The following ST6GALNAC3 variants were observed in gnomAD, a reference collection of about 807,000 sequenced individuals.
ST6GALNAC3 encodes the protein alpha-N-acetylgalactosaminide alpha-2,6-sialyltransferase 3.
In ST6GALNAC3, 25 loss-of-function variants were observed where a neutral mutation model predicts 32.7. That is an observed-to-expected ratio of 0.76 (90% CI 0.56 to 1.07). The LOEUF is 1.07. ST6GALNAC3 is among the 50% of genes least tolerant of loss of function. ST6GALNAC3 has a pLI of 0.00. For synonymous variants in ST6GALNAC3, 129 were observed against 133.1 expected, an observed-to-expected ratio of 0.97 and a Z score of 0.21; for missense variants, 355 against 382.4, an observed-to-expected ratio of 0.93 and a Z score of 0.60.
At chr1:76,482,254 G>A (rs959543924) in intron 3 of ST6GALNAC3, among the ~76,000 whole-genome samples, 1 of 152,074 alleles carries the variant, frequency 6.6e-6, no homozygotes, top group Non-Finnish European at 1.5e-5. Context: ...GAGCCCCTGA[G>A]ATTTCATTCC....
intron 3 of ST6GALNAC3, among the ~76,000 whole-genome samples, chr1:76,562,486 T>A (rs1354379625): frequency 6.6e-6 from 1 of 152,150 alleles, no homozygotes; most frequent in Non-Finnish European, 1.5e-5. Flanking sequence ...TCTCTCTACA[T>A]CATCAACACC....
chr1:76,382,649 G>A (rs1314380832), intron 2 of ST6GALNAC3, among the ~76,000 whole-genome samples: 1 of 152,156 alleles, frequency 6.6e-6, no homozygotes, highest in Non-Finnish European at 1.5e-5. Context: ...ACAACATAGA[G>A]TGTTCATAAA....
chr1:76,608,597 ATGTGTGTGTGTGTGTGTGTGTGTGTG>A (rs60960904), intron 3 of ST6GALNAC3, among the ~76,000 whole-genome samples: 5 of 135,160 alleles, frequency 3.7e-5, no homozygotes, highest in Admixed American at 7.4e-5. Flanking sequence ...TGAGCTGGAA[ATGTGTGTGTGTGTGTGTGTGTGTGTG>A]TGTGTGTGTG....
chr1:76,217,593 T>C (rs1655539342), intron 1 of ST6GALNAC3, among the ~76,000 whole-genome samples: 3 of 152,162 alleles, frequency 2.0e-5, no homozygotes, highest in Admixed American at 2.0e-4. Flanking sequence ...AGTAGTGATT[T>C]CTGAGATTTT....
intron 3 of ST6GALNAC3, among the ~76,000 whole-genome samples, chr1:76,556,526 C>T (rs1477345902): frequency 1.3e-5 from 2 of 152,020 alleles, no homozygotes; most frequent in Non-Finnish European, 2.9e-5. Context: ...CTGATTTCTC[C>T]ATATCTTAGC....
intron 3 of ST6GALNAC3, among the ~76,000 whole-genome samples, chr1:76,520,661 T>G (rs1029151292): frequency 5.9e-5 from 9 of 151,516 alleles, no homozygotes; most frequent in Non-Finnish European, 1.2e-4. Context: ...CTGGCTAAGT[T>G]TTTTTTTTAA....
intron 2 of ST6GALNAC3, among the ~76,000 whole-genome samples, chr1:76,371,465 A>T (rs1650810315): frequency 6.6e-6 from 1 of 152,188 alleles, no homozygotes; most frequent in Non-Finnish European, 1.5e-5. Flanking sequence ...AACTGGAATT[A>T]ACAAGTGGAA....
intron 1 of ST6GALNAC3, among the ~76,000 whole-genome samples, chr1:76,186,295 C>T (rs1344873393): frequency 2.0e-5 from 3 of 152,174 alleles, no homozygotes; most frequent in African/African-American, 4.8e-5. Context: ...CGTGGATTCT[C>T]ATCCACTTCT....
intron 3 of ST6GALNAC3, among the ~76,000 whole-genome samples, chr1:76,476,910 A>C (rs967622106): frequency 6.6e-6 from 1 of 152,144 alleles, no homozygotes; most frequent in African/African-American, 2.4e-5. Context: ...AGGGAAAGCC[A>C]GACCAGCAGC....
chr1:76,127,227 C>T (rs146161016), intron 1 of ST6GALNAC3, among the ~76,000 whole-genome samples: 3 of 152,172 alleles, frequency 2.0e-5, no homozygotes, highest in African/African-American at 7.2e-5. Flanking sequence ...AAATAACTTG[C>T]TGTGGGGAAG....
At position 76,414,382 on chromosome 1, in the gene ST6GALNAC3, G is replaced by A. The variant is rs185464295; in HGVS notation, c.623+1965G>A. The stretch of plus-strand genomic sequence containing the variant: ...GACAAGAGAAGACAACTATGCTAGT[G>A]TTTTAGAAATGGACAGAATGGGTGA... On this transcript the variant is annotated intron_variant, in intron 3 of 4. Coordinates refer to ENST00000328299, the MANE Select transcript of ST6GALNAC3 (RefSeq NM_152996.4). 5.1e-4 allele frequency among the ~76,000 whole-genome samples: 78 copies of A among 152,116 alleles called. 1 individual carries two copies. Among genetic ancestry groups the A allele is most frequent in the Non-Finnish European group, 1.5e-5 (1 of 67,970 alleles).
In ST6GALNAC3 at chr1:76,613,355, G is replaced by A. The variant is rs146492908; in HGVS notation, c.624-14097G>A. On this transcript the variant is annotated intron_variant, in intron 3 of 4. Coordinates refer to ENST00000328299, the MANE Select transcript of ST6GALNAC3 (RefSeq NM_152996.4). Reference sequence around the variant, plus strand: ...TATTCTCCTTCCTGTGGCATACTGTGTATGGCCAGGCCTTTGCTACAATTT... The same window carrying A: ...TATTCTCCTTCCTGTGGCATACTGTATATGGCCAGGCCTTTGCTACAATTT... Among the ~76,000 whole-genome samples, 383 of 152,244 alleles carry A rather than the reference G, an allele frequency of 2.5e-3. 1 individual carries two copies. Among genetic ancestry groups the A allele is most frequent in the Middle Eastern group, 3.4e-3 (1 of 294 alleles).
intron 1 of ST6GALNAC3, among the ~76,000 whole-genome samples, chr1:76,260,066 C>T (rs1260831520): frequency 1.3e-5 from 2 of 151,950 alleles, no homozygotes; most frequent in Non-Finnish European, 2.9e-5. Context: ...ATTTCCTTAC[C>T]TGCTTCAGGG....
chr1:76,445,914 T>C (rs1372201811), intron 3 of ST6GALNAC3, among the ~76,000 whole-genome samples: 4 of 152,194 alleles, frequency 2.6e-5, no homozygotes, highest in Non-Finnish European at 4.4e-5. Flanking sequence ...ATGATATACA[T>C]ATACTTCTGT....
chr1:76,466,209 G>T lies in ST6GALNAC3; in HGVS notation c.623+53792G>T, dbSNP rs74739524. Among the ~76,000 whole-genome samples, 646 of 152,210 alleles carry T rather than the reference G, an allele frequency of 4.2e-3. 9 individuals carry two copies. Among genetic ancestry groups the T allele is most frequent in the African/African-American group, 0.015 (622 of 41,564 alleles). On this transcript the variant is annotated intron_variant, in intron 3 of 4. Coordinates refer to ENST00000328299, the MANE Select transcript of ST6GALNAC3 (RefSeq NM_152996.4). ...AGTTGGGTTAAATCATTGTGATGAT[G>T]ACATAGTCTCAGATATAAGGAGATA...
intron 1 of ST6GALNAC3, among the ~76,000 whole-genome samples, chr1:76,256,732 CT>C (rs398053129): frequency 2.0e-3 from 286 of 143,070 alleles, no homozygotes; most frequent in East Asian, 4.6e-3. Flanking sequence ...CATAAAATGA[CT>C]TTTTTTTTTT....
chr1:76,539,932 G>A (rs1663884013), intron 3 of ST6GALNAC3, among the ~76,000 whole-genome samples: 1 of 152,196 alleles, frequency 6.6e-6, no homozygotes, highest in South Asian at 2.1e-4. Flanking sequence ...TTCAACCACT[G>A]TGGAAGACAG....
At chr1:76,464,251 TTG>T (rs1371149115) in intron 3 of ST6GALNAC3, among the ~76,000 whole-genome samples, 1 of 152,168 alleles carries the variant, frequency 6.6e-6, no homozygotes, top group Non-Finnish European at 1.5e-5. Context: ...ACTTACGTAT[TTG>T]TACGTTTCCA....
intron 3 of ST6GALNAC3, among the ~76,000 whole-genome samples, chr1:76,571,138 A>G (rs1046128459): frequency 2.0e-5 from 3 of 152,092 alleles, no homozygotes; most frequent in African/African-American, 7.2e-5. Flanking sequence ...ACCAGATATT[A>G]TCTATTCTAT....
Sources: gnomAD v4.1 joint callset for allele counts (sites outside exome capture counted in the v4.1 genomes callset) on GRCh38, gnomAD v4.1.1 for gene constraint, MANE v1.5 for transcripts, NCBI Gene and HGNC (gene_info 2026-07-23, HGNC 2026-07-21) for gene names.